HNRNPA3: variants seen among roughly 807,000 people sequenced by gnomAD.
HNRNPA3 encodes epididymis secretory sperm binding protein.
In HNRNPA3, 3 loss-of-function variants were observed where a neutral mutation model predicts 45.8. That is an observed-to-expected ratio of 0.07 (90% CI 0.03 to 0.17). The LOEUF (loss-of-function observed/expected upper bound fraction) is 0.17. Among genes scored for constraint, HNRNPA3 ranks in the 10% least tolerant of loss-of-function variants. The pLI, the probability that HNRNPA3 is intolerant of heterozygous loss-of-function variation, is 1.00. For synonymous variants in HNRNPA3, 170 were observed against 155.6 expected, an observed-to-expected ratio of 1.09 and a Z score of -0.69; for missense variants, 183 against 480.3, an observed-to-expected ratio of 0.38 and a Z score of 5.79.
chr2:177,223,828 CTT>C (rs565838883), downstream of HNRNPA3: 3 of 152,138 alleles, frequency 2.0e-5, no homozygotes, highest in African/African-American at 4.8e-5. Context: ...AGAAAGATAA[CTT>C]TTTCATTAAA....
rs568138618 is a variant in HNRNPA3 at position 177,217,388 on chromosome 2, T to C, written c.821-317T>C. Reference sequence around the variant, plus strand: ...AAAACCAGAGTTGAGTAATTCTAGCTATTCAGGAGGCTGAGGCAGAGGGGT... The same window carrying C: ...AAAACCAGAGTTGAGTAATTCTAGCCATTCAGGAGGCTGAGGCAGAGGGGT... On this transcript the variant is annotated intron_variant, in intron 7 of 10. Transcript: ENST00000392524. Among the ~76,000 whole-genome samples, 5 of 152,358 alleles carry C rather than the reference T, an allele frequency of 3.3e-5. No individual in the cohort carries two copies. In the South Asian group the frequency reaches 1.0e-3, roughly 32 times the overall value.
chr2:177,218,052 C>CTTTCTTTTTTT (rs1689025704), intron 8 of HNRNPA3, among the ~76,000 whole-genome samples: 1 of 102,190 alleles, frequency 9.8e-6, no homozygotes, highest in African/African-American at 4.0e-5. Context: ...TCTCTTTTTT[C>CTTTCTTTTTTT]TTTTTTTTTT....
chr2:177,219,957 C>G (rs1375704849), exon 11 of HNRNPA3: 2 of 152,610 alleles, frequency 1.3e-5, no homozygotes, highest in African/African-American at 4.8e-5. Context: ...TAAGGGGAAT[C>G]TATTCTCCCC....
intron 1 of HNRNPA3, among the ~76,000 whole-genome samples, chr2:177,215,278 A>G (rs951933875): frequency 2.4e-4 from 36 of 152,220 alleles, no homozygotes; most frequent in Middle Eastern, 3.4e-3. Context: ...TGTTTTTAGT[A>G]GAGATGGGGT....
chr2:177,215,219 C>G (rs891442905), intron 1 of HNRNPA3, among the ~76,000 whole-genome samples: 4 of 152,042 alleles, frequency 2.6e-5, no homozygotes, highest in African/African-American at 4.8e-5. Flanking sequence ...TTTCCTTTCT[C>G]GAGTAGCTGG....
At chr2:177,220,948 TTTTG>T (rs1423149677), downstream of HNRNPA3, 3 of 152,608 alleles carry the variant, frequency 2.0e-5, no homozygotes, top group Non-Finnish European at 2.9e-5. Flanking sequence ...AATTCAAGTC[TTTTG>T]TTTTAAGAAG....
intron 1 of HNRNPA3, among the ~76,000 whole-genome samples, chr2:177,213,435 A>G (rs1404764161): frequency 6.6e-6 from 1 of 152,242 alleles, no homozygotes; most frequent in Non-Finnish European, 1.5e-5. Flanking sequence ...CTTTCGCTGA[A>G]GTTCTGCCGA....
intron 1 of HNRNPA3, among the ~76,000 whole-genome samples, chr2:177,213,594 C>T (rs140915994): frequency 2.3e-4 from 35 of 152,340 alleles, no homozygotes; most frequent in East Asian, 1.5e-3. Flanking sequence ...AAAGTACTTA[C>T]ATTACACTTC....
At chr2:177,219,186 T>C (rs768137934) in intron 9 of HNRNPA3, 27 bp downstream of exon 9, 27 of 1,611,054 alleles carry the variant, frequency 1.7e-5, no homozygotes, top group Non-Finnish European at 2.2e-5. Flanking sequence ...ATCAATTCTT[T>C]AGAGCCTTTT....
chr2:177,221,396 T>C (rs1326880584), downstream of HNRNPA3: 1 of 152,612 alleles, frequency 6.6e-6, no homozygotes, highest in East Asian at 1.9e-4. Flanking sequence ...TTTCCTGTTT[T>C]ATGTTTGTGA....
At position 177,218,052 on chromosome 2, in the gene HNRNPA3, CTTTTTTTTTT is replaced by C. The variant is rs58476089; in HGVS notation, c.961+225_961+234del. Among the ~76,000 whole-genome samples, 840 of 102,136 alleles carry C rather than the reference CTTTTTTTTTT, an allele frequency of 8.2e-3. 11 individuals are homozygous for C. Among genetic ancestry groups the C allele is most frequent in the South Asian group, 0.026 (86 of 3,298 alleles). The allele number at this position is 102,136 out of a possible 152,430, so 67.0% of individuals were successfully genotyped here. On this transcript the variant is annotated intron_variant, in intron 8 of 10. Transcript: ENST00000392524. ...ACAAATGTACTCAGCTCTCTTTTTT[CTTTTTTTTTT>C]TTTTTTTTTTTTTTTTTGAGATGGA... is the stretch of plus-strand genomic sequence containing the variant.
chr2:177,223,516 C>T (rs1445025325), downstream of HNRNPA3: 3 of 151,956 alleles, frequency 2.0e-5, no homozygotes, highest in South Asian at 6.2e-4. Context: ...ATACTCATGT[C>T]CTAAAGGAGA....
chr2:177,214,142 T>A (rs932392592), intron 1 of HNRNPA3, among the ~76,000 whole-genome samples: 4 of 152,242 alleles, frequency 2.6e-5, no homozygotes, highest in African/African-American at 9.6e-5. Context: ...TGCAATGTGT[T>A]AAAAAGTCTT....
intron 1 of HNRNPA3, among the ~76,000 whole-genome samples, chr2:177,214,197 T>C (rs553137546): frequency 5.3e-5 from 8 of 152,354 alleles, no homozygotes; most frequent in East Asian, 3.9e-4. Flanking sequence ...TTCTTAAAAA[T>C]CTCAATTTTT....
chr2:177,222,521 A>C (rs546988407), downstream of HNRNPA3: 1 of 152,396 alleles, frequency 6.6e-6, no homozygotes, highest in South Asian at 2.1e-4. Context: ...ATTAAAAGTT[A>C]CCAGGGCCAG....
downstream of HNRNPA3, chr2:177,220,512 A>G (rs1689142004): frequency 6.5e-6 from 1 of 153,692 alleles, no homozygotes; most frequent in Non-Finnish European, 1.5e-5. Context: ...GAGAATAAAA[A>G]TCATGTGTTA....
chr2:177,218,560 C>G (rs1304374446), intron 8 of HNRNPA3, among the ~76,000 whole-genome samples: 1 of 151,998 alleles, frequency 6.6e-6, no homozygotes, highest in East Asian at 1.9e-4. Flanking sequence ...CATCTAGGGC[C>G]CAGGTTAACA....
intron 4 of HNRNPA3, 79 bp downstream of exon 4, chr2:177,216,267 A>C (rs993496321): frequency 6.9e-6 from 7 of 1,010,882 alleles, no homozygotes; most frequent in Admixed American, 4.4e-5. Flanking sequence ...CTAAATTGTA[A>C]TTTTCTGTTG....
At chr2:177,214,222 CGTTCTTATA>C (rs1348572996) in intron 1 of HNRNPA3, among the ~76,000 whole-genome samples, 3 of 152,176 alleles carry the variant, frequency 2.0e-5, no homozygotes, top group Admixed American at 2.0e-4. Context: ...TGCTGTACTC[CGTTCTTATA>C]GTCAGACAAT....
Sources: allele counts gnomAD v4.1 joint callset (sites outside exome capture counted in the v4.1 genomes callset), GRCh38; gene constraint gnomAD v4.1.1; transcripts MANE v1.5; gene names NCBI Gene and HGNC (gene_info 2026-07-23, HGNC 2026-07-21).